MSRA: variants seen among roughly 807,000 people sequenced by gnomAD.
MSRA encodes the protein methionine sulfoxide reductase A.
MSRA carries 54 observed loss-of-function variants against 31.3 expected under a neutral mutation model. That is an observed-to-expected ratio of 1.73 (90% CI 1.39 to 2.17). The LOEUF is 2.17. Among genes scored for constraint, MSRA ranks in the 30% most tolerant of loss-of-function variants. The pLI is 0.00. For synonymous variants in MSRA, 169 were observed against 116.5 expected (o/e 1.45, Z -2.90); for missense variants, 507 against 300.9 (o/e 1.69, Z -5.07).
At chr8:10,138,056 G>T (rs1183444624) in intron 1 of MSRA, among the ~76,000 whole-genome samples, 4 of 152,184 alleles carry the variant, frequency 2.6e-5, no homozygotes, top group African/African-American at 9.7e-5. Context: ...ATTTCACTGG[G>T]TCACAGGCGT....
At chr8:10,088,063 A>G (rs867616267) in intron 1 of MSRA, among the ~76,000 whole-genome samples, 1 of 152,164 alleles carries the variant, frequency 6.6e-6, no homozygotes, top group Admixed American at 6.5e-5. Context: ...GGGGGACTTT[A>G]GGGCTCCTTG....
At chr8:10,267,824 GC>G (rs1012828277) in intron 3 of MSRA, among the ~76,000 whole-genome samples, 11 of 152,248 alleles carry the variant, frequency 7.2e-5, no homozygotes, top group African/African-American at 2.6e-4. Flanking sequence ...TACATAATGG[GC>G]CAAAGGTCAT....
intron 1 of MSRA, among the ~76,000 whole-genome samples, chr8:10,126,048 G>A (rs1801474606): frequency 6.6e-6 from 1 of 152,186 alleles, no homozygotes; most frequent in African/African-American, 2.4e-5. Flanking sequence ...TCTTTAGAAG[G>A]AAAGCAGGGA....
At chr8:10,138,519 A>G (rs1009816211) in intron 1 of MSRA, among the ~76,000 whole-genome samples, 4 of 152,222 alleles carry the variant, frequency 2.6e-5, no homozygotes, top group African/African-American at 9.6e-5. Flanking sequence ...GGCTGCTTTC[A>G]TGTCTCTACT....
intron 5 of MSRA, among the ~76,000 whole-genome samples, chr8:10,426,410 C>G (rs976752916): frequency 1.3e-5 from 2 of 152,216 alleles, no homozygotes; most frequent in Non-Finnish European, 2.9e-5. Context: ...CTGAAATTGC[C>G]AAAAGTCATT....
chr8:10,074,845 G>C (rs1263071961), intron 1 of MSRA, among the ~76,000 whole-genome samples: 2 of 152,074 alleles, frequency 1.3e-5, no homozygotes, highest in Non-Finnish European at 2.9e-5. Flanking sequence ...ATTACCCAGA[G>C]ACGGGGGTTC....
chr8:10,109,332 C>A (rs184966582), intron 1 of MSRA, among the ~76,000 whole-genome samples: 174 of 148,876 alleles, frequency 1.2e-3, no homozygotes, highest in Admixed American at 1.9e-3. Context: ...TTTTACTTTT[C>A]TTTTCTTTTC....
At position 10,423,267 on chromosome 8, in the gene MSRA, G is replaced by A. The variant is rs565780358; in HGVS notation, c.544-4881G>A. On this transcript the variant is annotated intron_variant, in intron 5 of 5. Transcript: ENST00000317173. ...AGGGCCAATGAGAGGCAGTAAAACC[G>A]AGATCCGGATCTAAGGCGTTCCATC... is the stretch of plus-strand genomic sequence containing the variant. Among the ~76,000 whole-genome samples, 16 of 152,270 alleles carry A rather than the reference G, an allele frequency of 1.1e-4. No homozygotes were observed. The South Asian group carries it at 3.3e-3, about 32-fold the overall frequency.
chr8:10,368,142 G>A (rs534711692), intron 5 of MSRA, among the ~76,000 whole-genome samples: 1 of 152,328 alleles, frequency 6.6e-6, no homozygotes, highest in Admixed American at 6.5e-5. Context: ...GTACCTCGCT[G>A]ATCCAGATCG....
intron 1 of MSRA, among the ~76,000 whole-genome samples, chr8:10,118,566 C>G (rs570999276): frequency 2.6e-4 from 40 of 152,266 alleles, no homozygotes; most frequent in African/African-American, 9.4e-4. Context: ...TCTTCAGAAC[C>G]TGACCCCAAG....
chr8:10,213,822 C>T (rs1186032764), intron 2 of MSRA, among the ~76,000 whole-genome samples: 1 of 152,128 alleles, frequency 6.6e-6, no homozygotes, highest in Non-Finnish European at 1.5e-5. Flanking sequence ...ACACTGATTT[C>T]CTCTCTTTTG....
chr8:10,322,654 G>A (rs557958168), intron 5 of MSRA, among the ~76,000 whole-genome samples: 1 of 152,146 alleles, frequency 6.6e-6, no homozygotes, highest in African/African-American at 2.4e-5. Context: ...CTGCTAACTG[G>A]GCTAATGCTT....
At chr8:10,123,894 T>G (rs1801305915) in intron 1 of MSRA, among the ~76,000 whole-genome samples, 1 of 151,844 alleles carries the variant, frequency 6.6e-6, no homozygotes, top group African/African-American at 2.4e-5. Context: ...AGACAGGGTC[T>G]CACTCTGTCA....
At chr8:10,384,262 A>T (rs1806251508) in intron 5 of MSRA, among the ~76,000 whole-genome samples, 1 of 152,158 alleles carries the variant, frequency 6.6e-6, no homozygotes, top group African/African-American at 2.4e-5. Flanking sequence ...CCTGTACCCC[A>T]GCCTGCTTGC....
chr8:10,315,121 T>C (rs962573276), intron 4 of MSRA, among the ~76,000 whole-genome samples: 1 of 152,154 alleles, frequency 6.6e-6, no homozygotes, highest in African/African-American at 2.4e-5. Flanking sequence ...TGAGACTTAT[T>C]CACTGTCATG....
intron 1 of MSRA, among the ~76,000 whole-genome samples, chr8:10,135,500 A>G (rs1042051276): frequency 6.6e-6 from 1 of 152,224 alleles, no homozygotes; most frequent in African/African-American, 2.4e-5. Context: ...TCAATTCATA[A>G]TATTGGGATA....
At chr8:10,119,052 C>T (rs928131303) in intron 1 of MSRA, among the ~76,000 whole-genome samples, 1 of 152,172 alleles carries the variant, frequency 6.6e-6, no homozygotes, top group African/African-American at 2.4e-5. Flanking sequence ...GACGTGGAAT[C>T]CCCTGTGAGC....
chr8:10,253,159 A>G (rs1272186290), intron 3 of MSRA, among the ~76,000 whole-genome samples: 2 of 152,214 alleles, frequency 1.3e-5, no homozygotes, highest in Non-Finnish European at 2.9e-5. Flanking sequence ...AATGGTAAAA[A>G]GAGGCATTTA....
At chr8:10,168,289 A>G (rs1415355848) in intron 1 of MSRA, among the ~76,000 whole-genome samples, 1 of 152,188 alleles carries the variant, frequency 6.6e-6, no homozygotes, top group Non-Finnish European at 1.5e-5. Flanking sequence ...GTTGTTTTAT[A>G]TGTGGAATTC....
Sources: gnomAD v4.1 joint callset for allele counts (sites outside exome capture counted in the v4.1 genomes callset) on GRCh38, gnomAD v4.1.1 for gene constraint, MANE v1.5 for transcripts, NCBI Gene and HGNC (gene_info 2026-07-23, HGNC 2026-07-21) for gene names.